The following CRYBG1 variants were observed in gnomAD, a reference collection of about 807,000 sequenced individuals.
CRYBG1 encodes the protein crystallin beta-gamma domain containing 1.
Under a neutral mutation model 189.2 loss-of-function variants are expected in CRYBG1, and 139 were observed. The ratio of observed to expected loss-of-function variants is 0.73; its 90% CI spans 0.64 to 0.85. The LOEUF is 0.85. CRYBG1 is among the 40% of genes least tolerant of loss of function. The pLI, the probability that CRYBG1 is intolerant of heterozygous loss-of-function variation, is 0.00. For missense variants in CRYBG1, 2,611 were observed against 2,675.8 expected (o/e 0.98, Z 0.53); for synonymous variants, 1,023 against 1,017.1 (o/e 1.01, Z -0.11).
At position 106,551,876 on chromosome 6, in the gene CRYBG1, C is replaced by T; in HGVS notation, c.5337C>T (p.Asp1779=). The T allele has an allele frequency of 6.2e-7, 1 of 1,612,318 alleles. No homozygotes were observed. Among genetic ancestry groups the T allele is most frequent in the East Asian group, 2.2e-5 (1 of 44,758 alleles). ...SGVWVAYENP[D]FTGEQYILDK... ...GATGGGTAGCCTATGAAAATCCTGA[C>T]TTCACAGGAGAACAGTATATACTGG... The change falls in exon 14 of 22, where the codon GAC becomes GAT. Residue 1779 remains aspartate (D), a synonymous_variant. Coordinates refer to ENST00000633556, the MANE Select transcript of CRYBG1 (RefSeq NM_001371242.2).
intron 2 of CRYBG1, among the ~76,000 whole-genome samples, chr6:106,459,894 G>C (rs1228735611): frequency 1.3e-5 from 2 of 152,120 alleles, no homozygotes; most frequent in Non-Finnish European, 2.9e-5. Flanking sequence ...CAGTAAATAA[G>C]TCTGTTTTCC....
chr6:106,373,384 T>A (rs990589218), intron 1 of CRYBG1, among the ~76,000 whole-genome samples: 1 of 152,038 alleles, frequency 6.6e-6, no homozygotes, highest in Non-Finnish European at 1.5e-5. Context: ...AGGTGACAAA[T>A]GTTGAGGATT....
In CRYBG1 at chr6:106,571,969, T is replaced by A; in HGVS notation, c.*3403T>A. 6.4e-7 allele frequency: 1 copy of A among 1,569,188 alleles called. No individual in the cohort carries two copies. The highest frequency in any genetic ancestry group is 8.8e-7 in the Non-Finnish European group (1 of 1,140,652). ...CACAGGCACTCACCAAATAAGAACG[T>A]CAACAATCACTAAACTGCATTTTTA... On this transcript the variant is annotated 3_prime_UTR_variant, in exon 22 of 22. Transcript: ENST00000633556.
intron 2 of CRYBG1, among the ~76,000 whole-genome samples, chr6:106,488,611 C>G (rs574424463): frequency 9.9e-5 from 15 of 152,158 alleles, no homozygotes; most frequent in African/African-American, 2.4e-4. Flanking sequence ...ATACGCAGCT[C>G]TCTCTGGTGG....
At chr6:106,422,340 A>ATTTT (rs747540246) in intron 1 of CRYBG1, among the ~76,000 whole-genome samples, 5,662 of 68,226 alleles carry the variant, frequency 0.083, 173 homozygotes, top group Non-Finnish European at 0.14. Flanking sequence ...TTATTTATTT[A>ATTTT]TTTATTTTTG....
intron 2 of CRYBG1, among the ~76,000 whole-genome samples, chr6:106,510,398 G>A (rs548004867): frequency 8.5e-5 from 13 of 152,336 alleles, no homozygotes; most frequent in Non-Finnish European, 1.3e-4. Context: ...GCTTTTATTG[G>A]TTTGTTCTGC....
At chr6:106,401,870 T>C (rs1770727178) in intron 1 of CRYBG1, among the ~76,000 whole-genome samples, 1 of 151,144 alleles carries the variant, frequency 6.6e-6, no homozygotes, top group Non-Finnish European at 1.5e-5. Flanking sequence ...TAAACATACG[T>C]GTGCATGTGT....
rs1453002371 is a variant in CRYBG1 at position 106,544,608 on chromosome 6, C to G, written c.5077C>G (p.Gln1693Glu). 1 of 1,613,802 alleles carries G rather than the reference C, an allele frequency of 6.2e-7. No homozygotes were observed. Among genetic ancestry groups the G allele is most frequent in the African/African-American group, 1.3e-5 (1 of 74,900 alleles). Residue 1693 changes from glutamine to glutamate, a missense_variant, in exon 12 of 22, where the codon CAG becomes GAG. Physicochemically the swap from Gln to Glu is conservative, Grantham distance 29. Coordinates refer to ENST00000633556, the MANE Select transcript of CRYBG1 (RefSeq NM_001371242.2). Reference protein sequence around the residue: ...AYEKPGFTGHQYLLEEGEYRD... With the variant: ...AYEKPGFTGHEYLLEEGEYRD... ...TGAGAAACCTGGATTTACCGGTCAT[C>G]AGTATTTGCTAGAAGAAGGAGAATA...
At chr6:106,497,441 A>G (rs1217757719) in intron 2 of CRYBG1, among the ~76,000 whole-genome samples, 1 of 151,820 alleles carries the variant, frequency 6.6e-6, no homozygotes, top group Non-Finnish European at 1.5e-5. Flanking sequence ...TCCATGGTCT[A>G]TTTCCTGTCT....
At chr6:106,551,475 C>G (rs1446631345) in intron 13 of CRYBG1, among the ~76,000 whole-genome samples, 1 of 152,208 alleles carries the variant, frequency 6.6e-6, no homozygotes, top group Non-Finnish European at 1.5e-5. Flanking sequence ...TGGCAGTAAA[C>G]AAGACACGTG....
At chr6:106,469,015 C>T (rs776980960) in intron 2 of CRYBG1, among the ~76,000 whole-genome samples, 4 of 152,200 alleles carry the variant, frequency 2.6e-5, no homozygotes, top group East Asian at 1.9e-4. Flanking sequence ...TGGAAGAGAG[C>T]GTTCCATTTC....
intron 8 of CRYBG1, among the ~76,000 whole-genome samples, chr6:106,538,222 C>T (rs563575706): frequency 4.6e-5 from 7 of 152,178 alleles, no homozygotes; most frequent in African/African-American, 7.2e-5. Context: ...GCATCCTCAC[C>T]TTCTCAGAAC....
chr6:106,372,204 C>T (rs576276568), intron 1 of CRYBG1, among the ~76,000 whole-genome samples: 11 of 152,144 alleles, frequency 7.2e-5, no homozygotes, highest in Admixed American at 6.5e-5. Context: ...AAAGAACAAA[C>T]GTATAAGTTG....
At chr6:106,375,873 T>C (rs1770153251) in intron 1 of CRYBG1, among the ~76,000 whole-genome samples, 1 of 152,230 alleles carries the variant, frequency 6.6e-6, no homozygotes, top group African/African-American at 2.4e-5. Context: ...CTATGTTTTT[T>C]CCTATATACA....
At chr6:106,399,273 A>C (rs1231411412) in intron 1 of CRYBG1, among the ~76,000 whole-genome samples, 1 of 152,210 alleles carries the variant, frequency 6.6e-6, no homozygotes, top group Non-Finnish European at 1.5e-5. Flanking sequence ...CAGTATAGTC[A>C]GTTTTTTCAA....
At chr6:106,492,799 C>A (rs1401991907) in intron 2 of CRYBG1, among the ~76,000 whole-genome samples, 1 of 152,046 alleles carries the variant, frequency 6.6e-6, no homozygotes, top group East Asian at 1.9e-4. Flanking sequence ...ATGTAAGAGA[C>A]TTGTCCTTTA....
At chr6:106,459,080 G>A (rs1771948534) in intron 2 of CRYBG1, among the ~76,000 whole-genome samples, 1 of 152,146 alleles carries the variant, frequency 6.6e-6, no homozygotes, top group East Asian at 1.9e-4. Flanking sequence ...TGTATAGCCA[G>A]CTTTGGAAAA....
At chr6:106,440,277 T>C (rs981300255) in intron 1 of CRYBG1, among the ~76,000 whole-genome samples, 29 of 151,946 alleles carry the variant, frequency 1.9e-4, no homozygotes, top group African/African-American at 7.0e-4. Flanking sequence ...TCTTTTTTTT[T>C]CTTTTGAGAC....
intron 2 of CRYBG1, among the ~76,000 whole-genome samples, chr6:106,470,551 G>A (rs942658005): frequency 7.2e-5 from 11 of 152,092 alleles, no homozygotes; most frequent in Admixed American, 2.6e-4. Flanking sequence ...CAGCCTGGGT[G>A]ACAGAGCAAG....
Sources: gnomAD v4.1 joint callset for allele counts (sites outside exome capture counted in the v4.1 genomes callset) on GRCh38, gnomAD v4.1.1 for gene constraint, MANE v1.5 for transcripts, NCBI Gene and HGNC (gene_info 2026-07-23, HGNC 2026-07-21) for gene names.